The following DGCR2 variants were observed in gnomAD, a reference collection of about 807,000 sequenced individuals.
DGCR2 encodes DiGeorge syndrome critical region gene 2.
Under a neutral mutation model 51.6 loss-of-function variants are expected in DGCR2, and 24 were observed. The observed-to-expected ratio is 0.47, with a 90% confidence interval of 0.34 to 0.65. DGCR2 has a LOEUF of 0.65. Among genes scored for constraint, DGCR2 ranks in the 30% least tolerant of loss-of-function variants. The pLI is 0.01. For synonymous variants in DGCR2, 340 were observed against 315.4 expected (o/e 1.08, Z -0.82); for missense variants, 765 against 772.1 (o/e 0.99, Z 0.11).
chr22:19,102,266 G>A (rs1276471342), intron 1 of DGCR2, among the ~76,000 whole-genome samples: 1 of 152,200 alleles, frequency 6.6e-6, no homozygotes, highest in African/African-American at 2.4e-5. Context: ...CCAAGGACTA[G>A]GGGTGAGGAG....
At chr22:19,070,928 C>A (rs770772634) in intron 2 of DGCR2, among the ~76,000 whole-genome samples, 11 of 152,238 alleles carry the variant, frequency 7.2e-5, no homozygotes, top group Non-Finnish European at 1.5e-4. Flanking sequence ...CAGACAGTGT[C>A]CTGGGGGAGA....
chr22:19,097,383 G>A (rs1191564480), intron 1 of DGCR2, among the ~76,000 whole-genome samples: 2 of 152,022 alleles, frequency 1.3e-5, no homozygotes, highest in Non-Finnish European at 2.9e-5. Flanking sequence ...TTGAAACCTC[G>A]TCTCTACTAA....
At chr22:19,110,509 G>T (rs1053635682) in intron 1 of DGCR2, among the ~76,000 whole-genome samples, 8 of 152,158 alleles carry the variant, frequency 5.3e-5, no homozygotes, top group Non-Finnish European at 1.2e-4. Flanking sequence ...CCTAATGCAT[G>T]CGGGGCTTAA....
At chr22:19,100,301 C>T (rs1030639030) in intron 1 of DGCR2, among the ~76,000 whole-genome samples, 3 of 152,026 alleles carry the variant, frequency 2.0e-5, no homozygotes, top group Non-Finnish European at 4.4e-5. Flanking sequence ...CCCCTTTTCA[C>T]TGATGGCTTT....
intron 1 of DGCR2, chr22:19,121,775 G>GTTT (rs1569096499): frequency 4.5e-5 from 8 of 177,806 alleles, no homozygotes; most frequent in African/African-American, 1.9e-4. Flanking sequence ...ACTGCTGGGA[G>GTTT]GACGTCTGTG....
rs2082614594 is a variant in DGCR2 at position 19,057,298 on chromosome 22, G to GC, written c.626-137dup. On this transcript the variant is annotated intron_variant, in intron 5 of 9. Coordinates refer to ENST00000263196, the MANE Select transcript of DGCR2 (RefSeq NM_005137.3). The surrounding 1 kb of genome is among the most constrained non-coding windows in gnomAD (Gnocchi z 5.1). ...CCGCCAAGTACTGGTGGTCACTGTG[G>GC]CCAGGTGTTCACTCGGGACTCCCCA... 5 of 1,019,120 alleles carry GC rather than the reference G, an allele frequency of 4.9e-6. No homozygotes were observed. Among genetic ancestry groups the GC allele is most frequent in the Non-Finnish European group, 6.9e-6 (5 of 721,568 alleles). The allele number at this position is 1,019,120 out of a possible 1,614,324, so 63.1% of individuals were successfully genotyped here.
intron 1 of DGCR2, among the ~76,000 whole-genome samples, chr22:19,092,559 A>G (rs1039668318): frequency 2.0e-5 from 3 of 152,202 alleles, no homozygotes; most frequent in Admixed American, 2.0e-4. Flanking sequence ...CCCTAAAAGG[A>G]ATTGAATTTT....
intron 1 of DGCR2, among the ~76,000 whole-genome samples, chr22:19,111,389 G>C (rs2083312776): frequency 6.6e-6 from 1 of 152,200 alleles, no homozygotes; most frequent in Non-Finnish European, 1.5e-5. Context: ...AGCTCCCTCT[G>C]CCATACAGCT....
intron 1 of DGCR2, among the ~76,000 whole-genome samples, chr22:19,107,055 T>G (rs931900469): frequency 6.6e-6 from 1 of 152,192 alleles, no homozygotes; most frequent in African/African-American, 2.4e-5. Flanking sequence ...ATTTTACACC[T>G]GCAAACACTC....
chr22:19,083,465 T>A (rs138627481), intron 2 of DGCR2, among the ~76,000 whole-genome samples: 4 of 152,212 alleles, frequency 2.6e-5, no homozygotes, highest in Non-Finnish European at 5.9e-5. Context: ...AATCGACTTA[T>A]CGCATTTCAC....
intron 6 of DGCR2, chr22:19,056,566 A>C (rs58549847): frequency 0.012 from 3,841 of 333,274 alleles, 68 homozygotes; most frequent in East Asian, 0.026. Context: ...AAAAAAAAAA[A>C]ACACACACAC....
At position 19,048,430 on chromosome 22, in the gene DGCR2, A is replaced by T; in HGVS notation, c.1006+10T>A. ...GAGGCTGACTTGGGACGTCCTATCA[A>T]GAGTCTCACCTGGGTCCAGACACAT... On this transcript the variant is annotated intron_variant, in intron 7 of 9. Coordinates refer to ENST00000263196, the MANE Select transcript of DGCR2 (RefSeq NM_005137.3). The T allele has an allele frequency of 1.2e-6, 2 of 1,614,066 alleles. No individual in the cohort carries two copies. Among genetic ancestry groups the T allele is most frequent in the Non-Finnish European group, 1.7e-6 (2 of 1,179,992 alleles).
chr22:19,047,576 G>A (rs752675567), intron 7 of DGCR2: 1 of 152,162 alleles, frequency 6.6e-6, no homozygotes, highest in Non-Finnish European at 1.5e-5. Context: ...TTCACACAGA[G>A]CTGCAGCTAC....
chr22:19,117,060 ACTG>A (rs2083380763), intron 1 of DGCR2, among the ~76,000 whole-genome samples: 1 of 152,148 alleles, frequency 6.6e-6, no homozygotes, highest in Middle Eastern at 3.2e-3. Flanking sequence ...ACCTGCCCTT[ACTG>A]CTAAGAGGAC....
intron 5 of DGCR2, among the ~76,000 whole-genome samples, chr22:19,060,107 C>T (rs944849264): frequency 3.3e-5 from 5 of 152,168 alleles, no homozygotes; most frequent in African/African-American, 1.2e-4. Flanking sequence ...GTGGCCTGAC[C>T]CCAGCTGACC....
intron 4 of DGCR2, among the ~76,000 whole-genome samples, chr22:19,063,677 T>C (rs1005498480): frequency 6.6e-6 from 1 of 151,962 alleles, no homozygotes; most frequent in African/African-American, 2.4e-5. Context: ...CATGAGACAC[T>C]CATGTTAGAA....
chr22:19,117,973 C>T (rs185569017), intron 1 of DGCR2, among the ~76,000 whole-genome samples: 2 of 152,318 alleles, frequency 1.3e-5, no homozygotes, highest in East Asian at 3.9e-4. Context: ...TGCAAGCTCA[C>T]CTCTCCAGCT....
intron 1 of DGCR2, among the ~76,000 whole-genome samples, chr22:19,101,522 C>T (rs1343832158): frequency 6.6e-6 from 1 of 151,104 alleles, no homozygotes; most frequent in Non-Finnish European, 1.5e-5. Flanking sequence ...GGGCGGATCA[C>T]CTGAGGTCAA....
At chr22:19,067,254 C>T (rs2082760141) in intron 3 of DGCR2, among the ~76,000 whole-genome samples, 1 of 152,242 alleles carries the variant, frequency 6.6e-6, no homozygotes, top group Non-Finnish European at 1.5e-5. Flanking sequence ...GCTCAGCGTA[C>T]TTGGGTACCT....
Sources: gnomAD v4.1 joint callset for allele counts (sites outside exome capture counted in the v4.1 genomes callset) on GRCh38, gnomAD v4.1.1 for gene constraint, Gnocchi (gnomAD v3.1) non-coding constraint, MANE v1.5 for transcripts, NCBI Gene and HGNC (gene_info 2026-07-23, HGNC 2026-07-21) for gene names.